Variants in STARD8 observed in about 807,000 individuals in gnomAD.
STARD8 encodes stAR-related lipid transfer protein 8.
A neutral mutation model predicts 69.4 loss-of-function variants in STARD8; 25 were observed. That is an observed-to-expected ratio of 0.36 (90% confidence interval 0.26 to 0.50). The LOEUF is 0.50. Among genes scored for constraint, STARD8 ranks in the 20% least tolerant of loss-of-function variants. STARD8 has a pLI of 0.96. For missense variants in STARD8, 921 were observed against 932.5 expected, an observed-to-expected ratio of 0.99 and a Z score of 0.16; for synonymous variants, 389 against 374.6, an observed-to-expected ratio of 1.04 and a Z score of -0.45.
intron 2 of STARD8, among the ~76,000 whole-genome samples, chrX:68,712,660 C>T (rs1404371415): frequency 1.8e-5 from 2 of 111,553 alleles, no homozygotes; most frequent in Non-Finnish European, 3.8e-5. Context: ...GGGTTTGGAA[C>T]AGGCAGGGAA....
chrX:68,718,743 C>T (rs1203187993), intron 6 of STARD8, 114 bp downstream of exon 6: 4 of 1,080,998 alleles, frequency 3.7e-6, no homozygotes, highest in African/African-American at 3.8e-5. Context: ...GCTGCGTTAT[C>T]CCCTCACAGC....
At chrX:68,685,235 G>A (rs893943559) in intron 2 of STARD8, among the ~76,000 whole-genome samples, 1 of 111,811 alleles carries the variant, frequency 8.9e-6, no homozygotes, top group Non-Finnish European at 1.9e-5. Flanking sequence ...TCGTGTCATA[G>A]GAATATTACC....
chrX:68,715,416 G>C (rs754893532), intron 4 of STARD8, 41 bp downstream of exon 4: 1 of 1,107,704 alleles, frequency 9.0e-7, no homozygotes, highest in Non-Finnish European at 1.2e-6. Context: ...CCAAAGGCCT[G>C]GCTTGAAGCT....
chrX:68,689,769 C>T (rs1010274424), intron 2 of STARD8, among the ~76,000 whole-genome samples: 4 of 111,345 alleles, frequency 3.6e-5, no homozygotes, highest in African/African-American at 9.8e-5. Context: ...TGGAGGCAAC[C>T]GTGATAGTCC....
At chrX:68,711,871 T>A (rs2080053658) in intron 2 of STARD8, among the ~76,000 whole-genome samples, 1 of 112,353 alleles carries the variant, frequency 8.9e-6, no homozygotes, top group South Asian at 3.6e-4. Flanking sequence ...CATGGCAGGA[T>A]CAGCTCTGCT....
intron 2 of STARD8, among the ~76,000 whole-genome samples, chrX:68,673,958 T>C (rs2079746505): frequency 8.9e-6 from 1 of 111,787 alleles, no homozygotes; most frequent in African/African-American, 3.3e-5. Flanking sequence ...AAAATTTTCA[T>C]ATTAAAACAA....
intron 1 of STARD8, among the ~76,000 whole-genome samples, chrX:68,660,160 G>A (rs2079635592): frequency 9.0e-6 from 1 of 111,189 alleles, no homozygotes; most frequent in Non-Finnish European, 1.9e-5. Context: ...GGGTTCCTCA[G>A]GAGGCTGTCC....
At chrX:68,694,257 G>C (rs1408270874) in intron 2 of STARD8, among the ~76,000 whole-genome samples, 1 of 112,690 alleles carries the variant, frequency 8.9e-6, no homozygotes, top group African/African-American at 3.2e-5. Flanking sequence ...GGCATTTCCA[G>C]GAAGCCCCCG....
In STARD8 at chrX:68,724,050, A is replaced by T. The variant is rs918161956; in HGVS notation, c.3123A>T (p.Thr1041=). The part of the protein sequence containing the change: ...PESGVRALML[T]SQYLMEPCGL... ...CGGGTGTGCGAGCCCTCATGCTCAC[A>T]TCCCAGTACCTCATGGAGCCTTGCG... The change falls in exon 14 of 15, where the codon ACA becomes ACT. Residue 1041 remains threonine, a synonymous_variant. Transcript: ENST00000374599. 1 of 1,211,824 alleles carries T rather than the reference A, an allele frequency of 8.3e-7. No individual in the cohort carries two copies. The highest frequency in any genetic ancestry group is 1.1e-6 in the Non-Finnish European group (1 of 895,522).
chrX:68,668,065 C>CTTTA (rs1329617377), intron 2 of STARD8, among the ~76,000 whole-genome samples: 15 of 72,685 alleles, frequency 2.1e-4, no homozygotes, highest in Non-Finnish European at 3.4e-4. Flanking sequence ...TCTTTTCTTT[C>CTTTA]TTTCTTTCTT....
chrX:68,715,912 G>A (rs1309518810), intron 4 of STARD8, among the ~76,000 whole-genome samples: 2 of 112,599 alleles, frequency 1.8e-5, no homozygotes, highest in Non-Finnish European at 3.7e-5. Context: ...CCCTTTGCGA[G>A]CTGGCTCATT....
At chrX:68,705,071 A>G (rs975366916) in intron 2 of STARD8, among the ~76,000 whole-genome samples, 25 of 112,268 alleles carry the variant, frequency 2.2e-4, no homozygotes, top group African/African-American at 8.1e-4. Flanking sequence ...GGAGTAGCAC[A>G]TGGCTCATTA....
intron 1 of STARD8, among the ~76,000 whole-genome samples, chrX:68,656,831 G>A (rs1201217763): frequency 1.8e-5 from 2 of 110,570 alleles, no homozygotes; most frequent in East Asian, 5.7e-4. Flanking sequence ...ACACAGGAAG[G>A]GGAACATCAC....
chrX:68,721,470 C>T, intron 9 of STARD8, 66 bp from the exon 10 acceptor site: 2 of 1,138,344 alleles, frequency 1.8e-6, no homozygotes, highest in Non-Finnish European at 2.4e-6. Flanking sequence ...CCCTTGGAAA[C>T]AGGAGGCTGG....
chrX:68,653,396 ACACACAC>A (rs2079585531), intron 1 of STARD8, among the ~76,000 whole-genome samples: 1 of 48,541 alleles, frequency 2.1e-5, no homozygotes, highest in Admixed American at 2.7e-4. Flanking sequence ...CACACACCCC[ACACACAC>A]CACACACACC....
In STARD8 at chrX:68,718,548, G is replaced by C; in HGVS notation, c.1634G>C (p.Gly545Ala). The C allele has an allele frequency of 8.2e-7, 1 of 1,212,215 alleles. No homozygotes were observed. Among genetic ancestry groups the C allele is most frequent in the Non-Finnish European group, 1.1e-6 (1 of 895,590 alleles). ...GNSMNEAEAA[G>A]PLAGLQASMP... ...TCCATGAATGAGGCTGAGGCTGCGGGGCCCCTGGCTGGACTCCAGGCATCA... is the reference window on the plus strand; with the variant it reads ...TCCATGAATGAGGCTGAGGCTGCGGCGCCCCTGGCTGGACTCCAGGCATCA... The change falls in exon 6 of 15, where the codon GGG (glycine) becomes GCG (alanine). Residue 545 changes from glycine to alanine, a missense_variant. Coordinates refer to ENST00000374599, the MANE Select transcript of STARD8 (RefSeq NM_001142503.3).
At chrX:68,715,210 G>GCCGTTCCCTTCCAGC (rs1486685441) in intron 3 of STARD8, 84 bp from the exon 4 acceptor site, 2 of 831,604 alleles carry the variant, frequency 2.4e-6, no homozygotes, top group Admixed American at 3.2e-5. Flanking sequence ...CTCCTTCCTG[G>GCCGTTCCCTTCCAGC]CCGTTCCCTT....
intron 1 of STARD8, among the ~76,000 whole-genome samples, chrX:68,663,610 A>G (rs2079664008): frequency 9.0e-6 from 1 of 111,518 alleles, no homozygotes; most frequent in African/African-American, 3.3e-5. Flanking sequence ...GGACTAGAGC[A>G]TAGAGTACAG....
At position 68,689,244 on chromosome X, in the gene STARD8, C is replaced by T. The variant is rs1257630520; in HGVS notation, c.80-23670C>T. 3.8e-5 allele frequency among the ~76,000 whole-genome samples: 4 copies of T among 104,618 alleles called. 1 individual carries two copies. The highest frequency in any genetic ancestry group is 1.0e-4 in the Admixed American group (1 of 9,706). The allele number at this position is 104,618 out of a possible 115,157, so 90.8% of individuals were successfully genotyped here. A position where few individuals can be genotyped will look rare whatever the true frequency, so the allele number is the denominator to read the frequency against. On this transcript the variant is annotated intron_variant, in intron 2 of 14. Coordinates refer to ENST00000374599, the MANE Select transcript of STARD8 (RefSeq NM_001142503.3). Reference sequence around the variant, plus strand: ...CTACGGTCACCAAGTGCTCTGTCCACGGTGACCCCATCTATTTGTTAGGGC... The same window carrying T: ...CTACGGTCACCAAGTGCTCTGTCCATGGTGACCCCATCTATTTGTTAGGGC...
Sources: gnomAD v4.1 joint callset for allele counts (sites outside exome capture counted in the v4.1 genomes callset) on GRCh38, gnomAD v4.1.1 for gene constraint, MANE v1.5 for transcripts, NCBI Gene and HGNC (gene_info 2026-07-23, HGNC 2026-07-21) for gene names.